The following ARRDC3 variants were observed in gnomAD, a reference collection of about 807,000 sequenced individuals.
ARRDC3 encodes arrestin domain containing 3, also known as arrestin domain-containing protein 3.
Under a neutral mutation model 47.2 loss-of-function variants are expected in ARRDC3, and 10 were observed. That is an observed-to-expected ratio of 0.21 (90% confidence interval 0.13 to 0.36). The LOEUF (loss-of-function observed/expected upper bound fraction) is 0.36, where lower values mean the gene tolerates loss of function less well. ARRDC3 is among the 10% of genes least tolerant of loss of function. The pLI is 1.00. For synonymous variants in ARRDC3, 156 were observed against 178.3 expected, an observed-to-expected ratio of 0.87 and a Z score of 1.00; for missense variants, 381 against 503.6, an observed-to-expected ratio of 0.76 and a Z score of 2.33.
rs1313113166 is a variant in ARRDC3 at position 91,369,961 on chromosome 5, AG to A, written c.*1438del. On this transcript the variant is annotated 3_prime_UTR_variant, in exon 8 of 8. Coordinates refer to ENST00000265138, the MANE Select transcript of ARRDC3 (RefSeq NM_020801.4). ...TCTCATGTTTAGCAAATTGTTCTTT[AG>A]GTAATGAAAAACAGTATTCTCATTA... is the stretch of plus-strand genomic sequence containing the variant. 1.3e-5 allele frequency: 2 copies of A among 152,226 alleles called. No homozygotes were observed. The highest frequency in any genetic ancestry group is 4.8e-5 in the African/African-American group (2 of 41,468). The allele number at this position is 152,226 out of a possible 1,614,324, so 9.4% of individuals were successfully genotyped here.
Position 91,383,041 on chromosome 5 carries a change from C to G in ARRDC3, c.52G>C (p.Asp18His). Residue 18 changes from aspartate to histidine, a missense_variant, in exon 1 of 8, where the codon GAC becomes CAC. Transcript: ENST00000265138. The stretch of plus-strand genomic sequence containing the variant: ...CTAGAATACACAGGGACATTGCTGT[C>G]ATTAAGACAGTCAAAGCTTATTGTC... Reference protein sequence around the residue: ...SLTISFDCLNDSNVPVYSSGD... With the variant: ...SLTISFDCLNHSNVPVYSSGD... 6.2e-7 allele frequency: 1 copy of G among 1,613,858 alleles called. No individual in the cohort carries two copies. The highest frequency in any genetic ancestry group is 8.5e-7 in the Non-Finnish European group (1 of 1,179,860).
chr5:91,382,515 T>C (rs766228325), intron 1 of ARRDC3, among the ~76,000 whole-genome samples: 6 of 152,222 alleles, frequency 3.9e-5, no homozygotes, highest in Non-Finnish European at 7.3e-5. Flanking sequence ...AACGACTGAA[T>C]TGGATTCAAA....
intron 1 of ARRDC3, chr5:91,380,945 G>A (rs1341629273): frequency 6.6e-6 from 1 of 152,252 alleles, no homozygotes; most frequent in Non-Finnish European, 1.5e-5. Context: ...GCTGGGTGGG[G>A]GTCGCTCTGG....
intron 1 of ARRDC3, among the ~76,000 whole-genome samples, chr5:91,379,203 A>C: frequency 6.6e-6 from 1 of 151,736 alleles, no homozygotes; most frequent in Non-Finnish European, 1.5e-5. Flanking sequence ...ACCCTCTTAA[A>C]ATATGTCAGT....
chr5:91,378,842 A>G, intron 1 of ARRDC3, 67 bp from the exon 2 acceptor site: 1 of 1,027,120 alleles, frequency 9.7e-7, no homozygotes, highest in Non-Finnish European at 1.4e-6. Context: ...GCAGGGTGGC[A>G]TAACTTTAAA....
Position 91,371,365 on chromosome 5 carries a change from G to T in ARRDC3, c.*35C>A. On this transcript the variant is annotated 3_prime_UTR_variant, in exon 8 of 8. Transcript: ENST00000265138. ...CCTCAGCCGGAAGAGATACAGTTCGGAACCCACATCAACTTGATTCAACCA... is the reference window on the plus strand; with the variant it reads ...CCTCAGCCGGAAGAGATACAGTTCGTAACCCACATCAACTTGATTCAACCA... The T allele has an allele frequency of 6.3e-7, 1 of 1,576,394 alleles. No homozygotes were observed.
rs200451228 is a variant in ARRDC3, at chr5:91,375,861, C to G, written c.511-248G>C. Among the ~76,000 whole-genome samples the G allele has an allele frequency of 3.3e-5, 5 of 151,912 alleles. No homozygotes were observed. The East Asian group carries it at 9.6e-4, about 29-fold the overall frequency. On this transcript the variant is annotated intron_variant, in intron 3 of 7. Transcript: ENST00000265138. ...AAGGTAAAGGGTTTACAGCCTATCC[C>G]ATAAACATAGTTTTTTAGCTCACAC...
Position 91,371,280 on chromosome 5 carries a change from T to C in ARRDC3, c.*120A>G. On this transcript the variant is annotated 3_prime_UTR_variant, in exon 8 of 8. Transcript: ENST00000265138. ...CACTGGTTGTTTCATGTATTCGCCA[T>C]TTTTCTGGGCAAAAGTAATTCCACT... 1 of 867,988 alleles carries C rather than the reference T, an allele frequency of 1.2e-6. No individual in the cohort carries two copies. The highest frequency in any genetic ancestry group is 1.8e-6 in the Non-Finnish European group (1 of 561,130). 53.8% of individuals were successfully genotyped at this position (867,988 alleles called of 1,614,324 possible). A position where few individuals can be genotyped will look rare whatever the true frequency, so the allele number is the denominator to read the frequency against.
chr5:91,374,428 T>C (rs1215414592), intron 5 of ARRDC3, 152 bp from the exon 6 acceptor site: 2 of 660,544 alleles, frequency 3.0e-6, no homozygotes, highest in African/African-American at 1.8e-5. Context: ...TATAATTCTG[T>C]ATAGTACATT....
chr5:91,379,292 T>TAA (rs377674022), intron 1 of ARRDC3, among the ~76,000 whole-genome samples: 10,601 of 107,594 alleles, frequency 0.099, 581 homozygotes, highest in South Asian at 0.16. Flanking sequence ...ATAGACGGAG[T>TAA]AAAAAAAAAA....
intron 2 of ARRDC3, among the ~76,000 whole-genome samples, chr5:91,377,313 TCA>T (rs1363479007): frequency 6.6e-6 from 1 of 152,196 alleles, no homozygotes; most frequent in African/African-American, 2.4e-5. Flanking sequence ...TTTGTATCTC[TCA>T]GTTTACTCAT....
chr5:91,382,974 C>T lies in ARRDC3; in HGVS notation c.119G>A (p.Gly40Glu), dbSNP rs147364615. 3.2e-5 allele frequency: 51 copies of T among 1,614,170 alleles called. No individual in the cohort carries two copies. The East Asian group carries it at 1.1e-3, about 35-fold the overall frequency. ...TTTAAGAGATTTTACTCTGATTTCC[C>T]CAGTAACTTCTAAATTTACCCTTCC... ...VSGRVNLEVT[G>E]EIRVKSLKIH... is the part of the protein sequence containing the mutation. The change falls in exon 1 of 8, where the codon GGG (glycine) becomes GAG (glutamate). Residue 40 changes from glycine (G) to glutamate (E), a missense_variant. Gly to Glu is a moderately conservative substitution (Grantham distance 98). Transcript: ENST00000265138.
intron 2 of ARRDC3, among the ~76,000 whole-genome samples, chr5:91,377,160 A>C (rs1233518148): frequency 6.6e-6 from 1 of 152,226 alleles, no homozygotes; most frequent in Non-Finnish European, 1.5e-5. Flanking sequence ...AAACATTCAG[A>C]CCAAATTCCC....
intron 7 of ARRDC3, 115 bp from the exon 8 acceptor site, chr5:91,371,571 C>A: frequency 1.3e-6 from 1 of 752,946 alleles, no homozygotes; most frequent in Non-Finnish European, 2.2e-6. Context: ...AGAGCAAACA[C>A]AGCTTGTTAG....
rs1373263085 is a variant in ARRDC3 at position 91,373,855 on chromosome 5, C to G, written c.1034-17G>C. On this transcript the variant is annotated splice_polypyrimidine_tract_variant and intron_variant, in intron 6 of 7. Coordinates refer to ENST00000265138, the MANE Select transcript of ARRDC3 (RefSeq NM_020801.4). ...TGGGTGGTGCTGAAGGAAAAAGATA[C>G]ACGCAATTCGAACAGCATGTTCTTA... 3 of 1,613,352 alleles carry G rather than the reference C, an allele frequency of 1.9e-6. No homozygotes were observed. The highest frequency in any genetic ancestry group is 1.7e-5 in the Admixed American group (1 of 59,934).
Position 91,373,752 on chromosome 5 carries a change from C to A in ARRDC3, c.1120G>T (p.Ala374Ser), listed in dbSNP as rs753443726. Reference protein sequence around the residue: ...PVSACDDFERALQGPLFAYIQ... With the variant: ...PVSACDDFERSLQGPLFAYIQ... Reference sequence around the variant, plus strand: ...TATGCAAACAGTGGTCCTTGAAGGGCTCTCTCAAAGTCATCACAAGCACTC... The same window carrying A: ...TATGCAAACAGTGGTCCTTGAAGGGATCTCTCAAAGTCATCACAAGCACTC... Residue 374 changes from alanine to serine, a missense_variant, in exon 7 of 8, where the codon GCC (alanine) becomes TCC (serine). Coordinates refer to ENST00000265138, the MANE Select transcript of ARRDC3 (RefSeq NM_020801.4). 6.2e-7 allele frequency: 1 copy of A among 1,613,950 alleles called. No homozygotes were observed. The highest frequency in any genetic ancestry group is 8.5e-7 in the Non-Finnish European group (1 of 1,179,972).
chr5:91,373,224 T>C (rs1799219697), intron 7 of ARRDC3, among the ~76,000 whole-genome samples: 1 of 152,248 alleles, frequency 6.6e-6, no homozygotes, highest in Admixed American at 6.5e-5. Context: ...GAAAATAGTC[T>C]AACCATGTGG....
chr5:91,378,129 T>C (rs1049387726), intron 2 of ARRDC3, among the ~76,000 whole-genome samples: 5 of 152,120 alleles, frequency 3.3e-5, no homozygotes, highest in African/African-American at 1.2e-4. Context: ...GTATCCTTGA[T>C]GCATGTTTCC....
At chr5:91,377,346 G>C (rs1330060479) in intron 2 of ARRDC3, among the ~76,000 whole-genome samples, 1 of 152,036 alleles carries the variant, frequency 6.6e-6, no homozygotes, top group African/African-American at 2.4e-5. Context: ...TTGTTTGGCT[G>C]TTCTCTAACT....
Sources: gnomAD v4.1 joint callset for allele counts (sites outside exome capture counted in the v4.1 genomes callset) on GRCh38, gnomAD v4.1.1 for gene constraint, MANE v1.5 for transcripts, NCBI Gene and HGNC (gene_info 2026-07-23, HGNC 2026-07-21) for gene names.